RBFOX1: variants seen among roughly 807,000 people sequenced by gnomAD.
The protein encoded by RBFOX1 is RNA binding protein fox-1 homolog 1.
In RBFOX1, 8 loss-of-function variants were observed where a neutral mutation model predicts 57.7. That is an observed-to-expected ratio of 0.14 (90% CI 0.08 to 0.25). The LOEUF is 0.25. RBFOX1 is among the 10% of genes least tolerant of loss of function. RBFOX1 has a pLI of 1.00. For missense variants in RBFOX1, 611 were observed against 548.5 expected, an observed-to-expected ratio of 1.11 and a Z score of -1.14; for synonymous variants, 326 against 222.4, an observed-to-expected ratio of 1.47 and a Z score of -4.15.
At chr16:7,694,165 A>G (rs555183944) in intron 14 of RBFOX1, among the ~76,000 whole-genome samples, 1 of 152,216 alleles carries the variant, frequency 6.6e-6, no homozygotes, top group East Asian at 1.9e-4. Context: ...ACTATGACCA[A>G]AACAATCACT....
At chr16:6,266,065 C>G (rs561509854) in intron 1 of RBFOX1, among the ~76,000 whole-genome samples, 18 of 152,288 alleles carry the variant, frequency 1.2e-4, no homozygotes, top group Middle Eastern at 6.8e-3. Context: ...CTTACTTCAG[C>G]TAATGAAACG....
At chr16:6,270,314 A>G (rs2075051966) in intron 1 of RBFOX1, among the ~76,000 whole-genome samples, 1 of 152,182 alleles carries the variant, frequency 6.6e-6, no homozygotes, top group Non-Finnish European at 1.5e-5. Context: ...ATACAACCTA[A>G]CTATATGCTG....
Position 5,417,680 on chromosome 16 carries a change from A to C in RBFOX1, c.220-49536A>C, listed in dbSNP as rs557747624. 1.3e-3 allele frequency among the ~76,000 whole-genome samples: 191 copies of C among 152,314 alleles called. 1 individual carries two copies. The highest frequency in any genetic ancestry group is 4.5e-3 in the African/African-American group (186 of 41,570). ...TGGGGAAGGCCTGCCATTTTCAGGA[A>C]GTCTGCCTGGTTGGGAATACAGCAG... On this transcript the variant is annotated intron_variant, in intron 1 of 2. Coordinates refer to the RBFOX1 transcript ENST00000585867.
chr16:7,515,683 CAG>C (rs2076203040), intron 4 of RBFOX1, among the ~76,000 whole-genome samples: 1 of 152,164 alleles, frequency 6.6e-6, no homozygotes, highest in African/African-American at 2.4e-5. Context: ...CTACAACAAA[CAG>C]GGATGGTGCT....
Position 6,105,556 on chromosome 16 carries a change from C to T in RBFOX1, c.-127+85564C>T, listed in dbSNP as rs544219928. 5.5e-4 allele frequency among the ~76,000 whole-genome samples: 84 copies of T among 152,206 alleles called. 1 individual carries two copies. Among genetic ancestry groups the T allele is most frequent in the African/African-American group, 1.8e-3 (73 of 41,552 alleles). On this transcript the variant is annotated intron_variant, in intron 1 of 15. Transcript: ENST00000550418. ...AAAATTAACCTGTTTTAGAAATGAGCAGCCAAATGTCTCCTAAACTTCTAT... is the reference window on the plus strand; with the variant it reads ...AAAATTAACCTGTTTTAGAAATGAGTAGCCAAATGTCTCCTAAACTTCTAT...
At chr16:5,659,666 A>T (rs2049581685) in intron 3 of RBFOX1, among the ~76,000 whole-genome samples, 2 of 152,308 alleles carry the variant, frequency 1.3e-5, no homozygotes, top group South Asian at 4.1e-4. Context: ...GATAGGATTC[A>T]GGGAGTCTGA....
chr16:6,240,480 G>A (rs2097534476), intron 1 of RBFOX1, among the ~76,000 whole-genome samples: 2 of 151,996 alleles, frequency 1.3e-5, no homozygotes, highest in African/African-American at 4.8e-5. Context: ...TTGCTTGAAG[G>A]TACCCCAGGC....
chr16:5,331,163 G>A (rs148953463), intron 1 of RBFOX1, among the ~76,000 whole-genome samples: 51 of 152,242 alleles, frequency 3.3e-4, no homozygotes, highest in East Asian at 1.9e-3. Context: ...GGACTCCTCC[G>A]GATAGGGTAA....
At chr16:7,524,451 A>G (rs2078223226) in intron 5 of RBFOX1, among the ~76,000 whole-genome samples, 1 of 152,204 alleles carries the variant, frequency 6.6e-6, no homozygotes, top group Admixed American at 6.5e-5. Context: ...CCAATACTGT[A>G]TTATGTTAGA....
rs2098722195 is a variant in RBFOX1 at position 6,664,851 on chromosome 16, C to A, written c.-16+10201C>A. ...CAGTCAAACGGATCTGGAGTTGAATCCCGGTTCTGCCCCTTCACCAGCTGG... is the reference window on the plus strand; with the variant it reads ...CAGTCAAACGGATCTGGAGTTGAATACCGGTTCTGCCCCTTCACCAGCTGG... On this transcript the variant is annotated intron_variant, in intron 3 of 15. Coordinates refer to ENST00000550418, the MANE Select transcript of RBFOX1 (RefSeq NM_018723.4). Among the ~76,000 whole-genome samples, 3 of 152,156 alleles carry A rather than the reference C, an allele frequency of 2.0e-5. No individual in the cohort carries two copies. The South Asian group carries it at 6.2e-4, about 32-fold the overall frequency.
intron 1 of RBFOX1, among the ~76,000 whole-genome samples, chr16:6,248,761 T>G (rs1177079333): frequency 6.6e-6 from 1 of 152,110 alleles, no homozygotes; most frequent in East Asian, 1.9e-4. Flanking sequence ...CATGTATGAG[T>G]CAAAGAAGTC....
intron 2 of RBFOX1, among the ~76,000 whole-genome samples, chr16:5,518,872 A>G (rs2043902138): frequency 6.6e-6 from 1 of 151,812 alleles, no homozygotes. Context: ...CCTAACCCCC[A>G]CTCCCACACA....
rs544435322 is a variant in RBFOX1 at position 6,609,943 on chromosome 16, G to T, written c.-63-44660G>T. The stretch of plus-strand genomic sequence containing the variant: ...GACTTGCTTGAACCCAGGAGGTGGA[G>T]GTTGCCGTGAGCCGAGATCACGCCA... On this transcript the variant is annotated intron_variant, in intron 2 of 15. Coordinates refer to ENST00000550418, the MANE Select transcript of RBFOX1 (RefSeq NM_018723.4). 1.6e-4 allele frequency among the ~76,000 whole-genome samples: 25 copies of T among 152,088 alleles called. 1 individual carries two copies. The highest frequency in any genetic ancestry group is 2.8e-4 in the Non-Finnish European group (19 of 68,038).
chr16:7,477,235 A>T (rs915957957), intron 4 of RBFOX1, among the ~76,000 whole-genome samples: 2 of 152,210 alleles, frequency 1.3e-5, no homozygotes, highest in African/African-American at 2.4e-5. Flanking sequence ...TAGAAATAAG[A>T]CATCGATGCA....
chr16:6,038,892 T>A (rs1380548177), intron 1 of RBFOX1: 8 of 150,484 alleles, frequency 5.3e-5, no homozygotes, highest in Non-Finnish European at 5.9e-5. Context: ...GTGATTCTAT[T>A]GGACTCATGC....
intron 3 of RBFOX1, among the ~76,000 whole-genome samples, chr16:6,903,602 G>T (rs563521127): frequency 6.6e-6 from 1 of 152,270 alleles, no homozygotes; most frequent in East Asian, 1.9e-4. Flanking sequence ...TGGTGGGGAG[G>T]TTTCAGTCAA....
chr16:5,514,183 G>T lies in RBFOX1; in HGVS notation c.258+46929G>T, dbSNP rs76463704. On this transcript the variant is annotated intron_variant, in intron 2 of 2. Coordinates refer to the RBFOX1 transcript ENST00000585867. ...ATCTTACAAGTTTATGAGTCAGCTG[G>T]CAATCCTGCTGGCTTGACTAGCCCT... Among the ~76,000 whole-genome samples, 734 of 152,206 alleles carry T rather than the reference G, an allele frequency of 4.8e-3. 9 individuals are homozygous for T. In the East Asian group the frequency reaches 0.05, roughly 10 times the overall value.
intron 4 of RBFOX1, among the ~76,000 whole-genome samples, chr16:5,899,747 C>A (rs1231072938): frequency 6.6e-6 from 1 of 152,196 alleles, no homozygotes; most frequent in Non-Finnish European, 1.5e-5. Context: ...TCCACAGATT[C>A]ACCTGAATGG....
In RBFOX1 at chr16:5,619,196, A is replaced by C. The variant is rs1378471125; in HGVS notation, c.318+20235A>C. On this transcript the variant is annotated intron_variant, in intron 3 of 19. Coordinates refer to the RBFOX1 transcript ENST00000641259. ...CTAAGGCTATGTTCGTTCTTAAAAA[A>C]CAGTGTTGGCCCCACTCTCTTCCCA... Among the ~76,000 whole-genome samples, 3 of 152,142 alleles carry C rather than the reference A, an allele frequency of 2.0e-5. No homozygotes were observed. The East Asian group carries it at 5.8e-4, about 29-fold the overall frequency.
Sources: allele counts gnomAD v4.1 joint callset (sites outside exome capture counted in the v4.1 genomes callset), GRCh38; gene constraint gnomAD v4.1.1; transcripts MANE v1.5; gene names NCBI Gene and HGNC (gene_info 2026-07-23, HGNC 2026-07-21).